Variants in CLNK observed in about 807,000 individuals in gnomAD.
CLNK encodes cytokine-dependent hematopoietic cell linker.
In CLNK, 74 loss-of-function variants were observed where a neutral mutation model predicts 68.6. That is an observed-to-expected ratio of 1.08 (90% CI 0.89 to 1.31). The LOEUF (loss-of-function observed/expected upper bound fraction) is 1.31. Ranked by LOEUF, CLNK falls within the 50% of genes most tolerant of loss-of-function variation. The probability of loss-of-function intolerance (pLI) is 0.00; values close to 1 mark genes in which losing one functional copy is unlikely to be tolerated. For synonymous variants in CLNK, 198 were observed against 172.2 expected, an observed-to-expected ratio of 1.15 and a Z score of -1.17; for missense variants, 553 against 515.3, an observed-to-expected ratio of 1.07 and a Z score of -0.71.
Position 10,490,624 on chromosome 4 carries a change from G to T in CLNK, c.1141-11C>A, listed in dbSNP as rs749203124. The T allele has an allele frequency of 6.4e-6, 10 of 1,554,814 alleles. No individual in the cohort carries two copies. Among genetic ancestry groups the T allele is most frequent in the Non-Finnish European group, 8.7e-6 (10 of 1,147,968 alleles). Reference sequence around the variant, plus strand: ...TACTGAATCAAACTTCTGAAACACAGAAAAGAAAGTTAATGACTTTTAAAA... The same window carrying T: ...TACTGAATCAAACTTCTGAAACACATAAAAGAAAGTTAATGACTTTTAAAA... On this transcript the variant is annotated splice_polypyrimidine_tract_variant and intron_variant, in intron 18 of 18. Coordinates refer to ENST00000226951, the MANE Select transcript of CLNK (RefSeq NM_052964.4).
intron 8 of CLNK, among the ~76,000 whole-genome samples, chr4:10,548,472 T>C (rs879641301): frequency 2.6e-5 from 4 of 152,240 alleles, no homozygotes; most frequent in Non-Finnish European, 4.4e-5. Context: ...ACTCCGTTGA[T>C]TCTTTCCTTT....
At chr4:10,531,596 C>T in intron 12 of CLNK, 1 of 368,534 alleles carries the variant, frequency 2.7e-6, no homozygotes, top group South Asian at 2.0e-5. Flanking sequence ...CATGCGCCAC[C>T]ACACCTGGCT....
At chr4:10,537,835 G>A (rs1370796188) in intron 11 of CLNK, among the ~76,000 whole-genome samples, 1 of 148,036 alleles carries the variant, frequency 6.8e-6, no homozygotes, top group African/African-American at 2.5e-5. Flanking sequence ...CCTGTGCTGT[G>A]ACGGATATTA....
At chr4:10,601,892 T>C (rs994688558) in intron 2 of CLNK, among the ~76,000 whole-genome samples, 1 of 152,176 alleles carries the variant, frequency 6.6e-6, no homozygotes, top group Admixed American at 6.5e-5. Flanking sequence ...GGCTAATTGA[T>C]TGCACAAAGA....
chr4:10,615,087 G>C (rs188194952), intron 2 of CLNK, among the ~76,000 whole-genome samples: 1 of 152,302 alleles, frequency 6.6e-6, no homozygotes, highest in East Asian at 1.9e-4. Context: ...TCAGGTGACT[G>C]AAGCAGGAGA....
At chr4:10,540,682 C>T in intron 10 of CLNK, 78 bp from the exon 11 acceptor site, 3 of 964,730 alleles carry the variant, frequency 3.1e-6, no homozygotes, top group Non-Finnish European at 5.0e-6. Context: ...CCACACTGCT[C>T]TGCCCTCCGT....
At chr4:10,576,086 G>C (rs933197599) in intron 4 of CLNK, among the ~76,000 whole-genome samples, 18 of 152,178 alleles carry the variant, frequency 1.2e-4, no homozygotes, top group Non-Finnish European at 2.4e-4. Flanking sequence ...TCAATCAATA[G>C]TCAGTTGTCA....
chr4:10,620,045 G>C (rs1577173326), intron 2 of CLNK, among the ~76,000 whole-genome samples: 2 of 152,184 alleles, frequency 1.3e-5, no homozygotes, highest in Admixed American at 1.3e-4. Context: ...AGACTGGATA[G>C]TCCCTTCCTT....
intron 2 of CLNK, among the ~76,000 whole-genome samples, chr4:10,609,666 G>A (rs1721933794): frequency 6.6e-6 from 1 of 152,258 alleles, no homozygotes; most frequent in Admixed American, 6.5e-5. Flanking sequence ...TACTGAGGCA[G>A]AAAAGGGCTT....
chr4:10,514,907 A>G lies in CLNK; in HGVS notation c.773-1310T>C, dbSNP rs1187527889. 2.0e-5 allele frequency among the ~76,000 whole-genome samples: 3 copies of G among 152,304 alleles called. No individual in the cohort carries two copies. In the East Asian group the frequency reaches 5.8e-4, roughly 29 times the overall value. On this transcript the variant is annotated intron_variant, in intron 15 of 18. Transcript: ENST00000226951. ...TACAATGAACTCAAACAAATTTACAAGAAAAAAACAAACAATCCCAGAGTC... is the reference window on the plus strand; with the variant it reads ...TACAATGAACTCAAACAAATTTACAGGAAAAAAACAAACAATCCCAGAGTC...
the CLNK span, among the ~76,000 whole-genome samples, chr4:10,717,706 C>T: frequency 6.6e-6 from 1 of 152,188 alleles, no homozygotes; most frequent in Non-Finnish European, 1.5e-5. Flanking sequence ...CTGGGAGCCT[C>T]TTTCTTTCCC....
the CLNK span, among the ~76,000 whole-genome samples, chr4:10,730,148 G>A: frequency 6.6e-6 from 1 of 152,258 alleles, no homozygotes; most frequent in Non-Finnish European, 1.5e-5. Context: ...GTGTTTCTGG[G>A]CACCTACCTG....
chr4:10,611,241 C>A (rs1233038062), intron 2 of CLNK, among the ~76,000 whole-genome samples: 2 of 152,188 alleles, frequency 1.3e-5, no homozygotes. Context: ...TCGCTTGAAC[C>A]CAGGAGGCAG....
At chr4:10,521,948 A>G (rs977123371) in intron 14 of CLNK, among the ~76,000 whole-genome samples, 1 of 152,030 alleles carries the variant, frequency 6.6e-6, no homozygotes, top group Non-Finnish European at 1.5e-5. Context: ...GGGAAAAAAT[A>G]AAAACAAAAT....
intron 18 of CLNK, among the ~76,000 whole-genome samples, chr4:10,491,319 C>T (rs1716563000): frequency 6.6e-6 from 1 of 152,150 alleles, no homozygotes; most frequent in Non-Finnish European, 1.5e-5. Context: ...TCTCTGTTGC[C>T]TCCCAAACCT....
At chr4:10,707,701 G>C in the CLNK span, among the ~76,000 whole-genome samples, 1 of 152,160 alleles carries the variant, frequency 6.6e-6, no homozygotes, top group Non-Finnish European at 1.5e-5. Flanking sequence ...CCTCTTTACA[G>C]TTCAGTTTTT....
At chr4:10,706,555 A>C in the CLNK span, among the ~76,000 whole-genome samples, 1 of 152,194 alleles carries the variant, frequency 6.6e-6, no homozygotes, top group African/African-American at 2.4e-5. Context: ...AGCTGTGAGA[A>C]CTTCAGGAGA....
chr4:10,637,438 G>GTTTTTT lies in CLNK; in HGVS notation c.11+30415_11+30420dup, dbSNP rs11396379. Among the ~76,000 whole-genome samples, 1,013 of 124,098 alleles carry GTTTTTT rather than the reference G, an allele frequency of 8.2e-3. 26 individuals are homozygous for GTTTTTT. Among genetic ancestry groups the GTTTTTT allele is most frequent in the Middle Eastern group, 0.042 (9 of 216 alleles). 81.4% of individuals were successfully genotyped at this position (124,098 alleles called of 152,430 possible). On this transcript the variant is annotated intron_variant, in intron 2 of 18. Coordinates refer to ENST00000226951, the MANE Select transcript of CLNK (RefSeq NM_052964.4). ...TATGTGATAAGCAACAATAAAAAAA[G>GTTTTTT]TTTTTTTTTTTTTTTTGGCAGGGTT...
chr4:10,675,322 G>T (rs1347049555), intron 1 of CLNK, among the ~76,000 whole-genome samples: 1 of 152,138 alleles, frequency 6.6e-6, no homozygotes, highest in Admixed American at 6.5e-5. Flanking sequence ...AACCCACCTG[G>T]GGTCTGAGTG....
Sources: allele counts gnomAD v4.1 joint callset (sites outside exome capture counted in the v4.1 genomes callset), GRCh38; gene constraint gnomAD v4.1.1; transcripts MANE v1.5; gene names NCBI Gene and HGNC (gene_info 2026-07-23, HGNC 2026-07-21).